DISP1: variants seen among roughly 807,000 people sequenced by gnomAD.
DISP1 encodes protein dispatched homolog 1.
DISP1 carries 30 observed loss-of-function variants against 37.3 expected under a neutral mutation model. That is an observed-to-expected ratio of 0.80 (90% confidence interval 0.60 to 1.09). The LOEUF (loss-of-function observed/expected upper bound fraction) is 1.09. Ranked by LOEUF, DISP1 falls within the 50% of genes least tolerant of loss-of-function variation. The pLI is 0.00. For missense variants in DISP1, 1,598 were observed against 1,879.5 expected, an observed-to-expected ratio of 0.85 and a Z score of 2.77; for synonymous variants, 634 against 690.2, an observed-to-expected ratio of 0.92 and a Z score of 1.28.
intron 3 of DISP1, among the ~76,000 whole-genome samples, chr1:222,949,582 C>T (rs1390059215): frequency 6.6e-6 from 1 of 152,080 alleles, no homozygotes; most frequent in South Asian, 2.1e-4. Context: ...CCTTAATTAA[C>T]ATGTCTAATT....
intron 8 of DISP1, among the ~76,000 whole-genome samples, chr1:223,000,338 C>T (rs1041416006): frequency 6.6e-6 from 1 of 152,140 alleles, no homozygotes; most frequent in African/African-American, 2.4e-5. Flanking sequence ...GATGCCATTC[C>T]AGGGTTTCCT....
At chr1:222,968,333 C>G (rs184288303) in intron 3 of DISP1, among the ~76,000 whole-genome samples, 8 of 152,236 alleles carry the variant, frequency 5.3e-5, no homozygotes, top group African/African-American at 1.7e-4. Context: ...TGCCCAGTTT[C>G]CCAAAACCTG....
chr1:222,930,138 C>A (rs562650120), intron 2 of DISP1, among the ~76,000 whole-genome samples: 2 of 152,188 alleles, frequency 1.3e-5, no homozygotes, highest in African/African-American at 2.4e-5. Context: ...ACCAGTGGAG[C>A]CTTTTGGGGA....
At chr1:222,950,138 G>A (rs1177145282) in intron 3 of DISP1, among the ~76,000 whole-genome samples, 1 of 152,166 alleles carries the variant, frequency 6.6e-6, no homozygotes, top group Non-Finnish European at 1.5e-5. Flanking sequence ...AAGGATCCCT[G>A]TAGGTTATTG....
intron 1 of DISP1, among the ~76,000 whole-genome samples, chr1:222,864,203 AC>A (rs1162347760): frequency 1.3e-5 from 2 of 152,212 alleles, no homozygotes; most frequent in African/African-American, 2.4e-5. Context: ...CCCATTTCCA[AC>A]AGTGAGAAAC....
intron 1 of DISP1, among the ~76,000 whole-genome samples, chr1:222,905,995 C>T (rs1671868181): frequency 1.3e-5 from 2 of 152,124 alleles, no homozygotes; most frequent in South Asian, 4.1e-4. Flanking sequence ...ATCTATTCGT[C>T]TAACTTTTGA....
At chr1:222,845,325 T>G (rs1439554527) in intron 1 of DISP1, among the ~76,000 whole-genome samples, 1 of 152,182 alleles carries the variant, frequency 6.6e-6, no homozygotes. Flanking sequence ...AAAAAAGAAG[T>G]GGAAGACAAT....
intron 1 of DISP1, among the ~76,000 whole-genome samples, chr1:222,923,047 C>G (rs1014733782): frequency 2.0e-5 from 3 of 152,080 alleles, no homozygotes; most frequent in Non-Finnish European, 2.9e-5. Context: ...GGGGTTAAAA[C>G]TTGAGTATTG....
chr1:223,000,223 A>G (rs1679338155), intron 8 of DISP1, among the ~76,000 whole-genome samples: 1 of 152,144 alleles, frequency 6.6e-6, no homozygotes, highest in Non-Finnish European at 1.5e-5. Context: ...ACTGTCAGAC[A>G]TTGGGGTTGC....
chr1:222,938,085 CT>C (rs1238961070), intron 2 of DISP1, among the ~76,000 whole-genome samples: 6 of 152,014 alleles, frequency 3.9e-5, no homozygotes, highest in South Asian at 2.1e-4. Context: ...TATTTTCAGG[CT>C]TGTCTCAAAC....
intron 3 of DISP1, among the ~76,000 whole-genome samples, chr1:222,975,689 T>C (rs955755829): frequency 2.6e-5 from 4 of 152,228 alleles, no homozygotes; most frequent in Non-Finnish European, 4.4e-5. Flanking sequence ...TCTTGACTGA[T>C]ACATGTACAC....
At chr1:222,885,894 A>G (rs1453500159) in intron 1 of DISP1, among the ~76,000 whole-genome samples, 2 of 151,770 alleles carry the variant, frequency 1.3e-5, no homozygotes, top group Admixed American at 6.6e-5. Flanking sequence ...ACAGACACAC[A>G]TACACACGGA....
At chr1:222,859,992 A>G (rs762971432) in intron 1 of DISP1, among the ~76,000 whole-genome samples, 23 of 152,270 alleles carry the variant, frequency 1.5e-4, no homozygotes, top group Admixed American at 2.6e-4. Flanking sequence ...ATTTTTAAAA[A>G]GAGGCAGCTA....
At chr1:222,913,328 A>G (rs1197602845) in intron 1 of DISP1, among the ~76,000 whole-genome samples, 3 of 152,222 alleles carry the variant, frequency 2.0e-5, no homozygotes, top group Non-Finnish European at 4.4e-5. Context: ...ATTCACTTTT[A>G]TATATCAAAA....
chr1:222,856,140 T>C (rs983940802), intron 1 of DISP1, among the ~76,000 whole-genome samples: 1 of 152,234 alleles, frequency 6.6e-6, no homozygotes, highest in Non-Finnish European at 1.5e-5. Flanking sequence ...TTATTAGATA[T>C]ATAAACCTTT....
chr1:222,977,632 C>T (rs1486417237), intron 3 of DISP1, among the ~76,000 whole-genome samples: 18 of 150,988 alleles, frequency 1.2e-4, no homozygotes, highest in African/African-American at 4.4e-4. Context: ...TGTGCTGCAC[C>T]CATTAACTCG....
intron 1 of DISP1, among the ~76,000 whole-genome samples, chr1:222,909,314 A>G (rs1672084166): frequency 6.6e-6 from 1 of 152,188 alleles, no homozygotes; most frequent in African/African-American, 2.4e-5. Flanking sequence ...TAAAATTGTA[A>G]CTGTTTAAAG....
intron 3 of DISP1, among the ~76,000 whole-genome samples, chr1:222,944,051 C>A (rs182555124): frequency 3.9e-4 from 60 of 151,968 alleles, no homozygotes; most frequent in Middle Eastern, 3.4e-3. Flanking sequence ...GAAACAACAA[C>A]AACAACAAAA....
intron 1 of DISP1, among the ~76,000 whole-genome samples, chr1:222,901,060 T>C (rs1459815742): frequency 6.6e-6 from 1 of 152,162 alleles, no homozygotes; most frequent in African/African-American, 2.4e-5. Context: ...GAGGGATTAT[T>C]TTTAGAAGTA....
Sources: gnomAD v4.1 joint callset for allele counts (sites outside exome capture counted in the v4.1 genomes callset) on GRCh38, gnomAD v4.1.1 for gene constraint, MANE v1.5 for transcripts, NCBI Gene and HGNC (gene_info 2026-07-23, HGNC 2026-07-21) for gene names.